FBXO11: variants seen among roughly 807,000 people sequenced by gnomAD.
FBXO11 encodes F-box only protein 11.
In FBXO11, 13 loss-of-function variants were observed where a neutral mutation model predicts 117.0. The observed-to-expected ratio is 0.11, with a 90% confidence interval of 0.07 to 0.18. FBXO11 has a LOEUF of 0.18. Among genes scored for constraint, FBXO11 ranks in the 10% least tolerant of loss-of-function variants. The pLI, the probability that FBXO11 is intolerant of heterozygous loss-of-function variation, is 1.00. For missense variants in FBXO11, 767 were observed against 1,164.4 expected (o/e 0.66, Z 4.97); for synonymous variants, 490 against 380.5 (o/e 1.29, Z -3.35).
At chr2:47,849,906 CCTTAT>C (rs1673728110) in intron 1 of FBXO11, among the ~76,000 whole-genome samples, 1 of 151,998 alleles carries the variant, frequency 6.6e-6, no homozygotes, top group Admixed American at 6.6e-5. Context: ...ATAATTTAGA[CCTTAT>C]CTTAAAAACA....
At chr2:47,884,666 C>A (rs1330260577) in intron 1 of FBXO11, among the ~76,000 whole-genome samples, 1 of 152,194 alleles carries the variant, frequency 6.6e-6, no homozygotes, top group Non-Finnish European at 1.5e-5. Context: ...ACTCACAGCA[C>A]CATCCTGATG....
chr2:47,835,452 T>C (rs1490839799), intron 5 of FBXO11, among the ~76,000 whole-genome samples: 2 of 152,206 alleles, frequency 1.3e-5, no homozygotes, highest in East Asian at 1.9e-4. Context: ...GTGAAAAGAA[T>C]TGCTGAATAT....
intron 1 of FBXO11, among the ~76,000 whole-genome samples, chr2:47,859,946 T>C (rs1446139275): frequency 2.6e-5 from 4 of 152,190 alleles, no homozygotes; most frequent in Non-Finnish European, 4.4e-5. Context: ...TCATGAAAAG[T>C]TCATAGATTT....
chr2:47,873,773 TA>T (rs1221293981), intron 1 of FBXO11, among the ~76,000 whole-genome samples: 2 of 152,352 alleles, frequency 1.3e-5, no homozygotes, highest in East Asian at 3.9e-4. Context: ...TTATGCCTTT[TA>T]AAAATTATGT....
chr2:47,823,111 A>T (rs1671509147), intron 12 of FBXO11, 32 bp downstream of exon 12: 6 of 1,496,524 alleles, frequency 4.0e-6, no homozygotes, highest in Non-Finnish European at 5.5e-6. Context: ...GAAGTGAAAA[A>T]GTAATTTTCA....
intron 19 of FBXO11, 134 bp downstream of exon 19, chr2:47,810,182 G>A (rs1349502422): frequency 1.7e-6 from 1 of 594,548 alleles, no homozygotes; most frequent in Non-Finnish European, 2.9e-6. Context: ...TCTTGTAAGT[G>A]AATGAACAGG....
chr2:47,820,489 T>A, intron 13 of FBXO11, 33 bp from the exon 14 acceptor site: 1 of 1,528,760 alleles, frequency 6.5e-7, no homozygotes, highest in Non-Finnish European at 9.0e-7. Context: ...AGGTCAACAT[T>A]TGTGAGCCTA....
intron 1 of FBXO11, among the ~76,000 whole-genome samples, chr2:47,898,603 C>T (rs531469159): frequency 1.3e-5 from 2 of 152,278 alleles, no homozygotes; most frequent in South Asian, 4.1e-4. Flanking sequence ...GAAAAACATG[C>T]TGGTCAATCA....
chr2:47,886,765 A>G (rs1344279242), intron 1 of FBXO11, among the ~76,000 whole-genome samples: 3 of 152,240 alleles, frequency 2.0e-5, no homozygotes, highest in Non-Finnish European at 4.4e-5. Context: ...AGGTTACAAA[A>G]TAATACACAC....
intron 20 of FBXO11, 165 bp downstream of exon 20, chr2:47,809,435 T>TA (rs1670460111): frequency 1.4e-6 from 1 of 690,932 alleles, no homozygotes; most frequent in Non-Finnish European, 2.4e-6. Flanking sequence ...TTTCCTTGTA[T>TA]AAGATACTCC....
At chr2:47,859,843 T>C (rs1179470864) in intron 1 of FBXO11, among the ~76,000 whole-genome samples, 2 of 152,194 alleles carry the variant, frequency 1.3e-5, no homozygotes, top group African/African-American at 4.8e-5. Context: ...GTCTATTTTT[T>C]TGTGCTAGGA....
chr2:47,814,221 G>A (rs1053678642), intron 16 of FBXO11: 63 of 205,806 alleles, frequency 3.1e-4, no homozygotes, highest in Admixed American at 4.8e-4. Flanking sequence ...AGCGAGTATT[G>A]CAATAAAGAG....
rs1339835839 is a variant in FBXO11, at chr2:47,807,915, A to AGAGT, written c.*202_*203insACTC. 7.6e-6 allele frequency: 4 copies of AGAGT among 527,712 alleles called. No individual in the cohort carries two copies. Among genetic ancestry groups the AGAGT allele is most frequent in the Non-Finnish European group, 1.3e-5 (4 of 296,780 alleles). The allele number at this position is 527,712 out of a possible 1,614,324, so 32.7% of individuals were successfully genotyped here. A position where few individuals can be genotyped will look rare whatever the true frequency, so the allele number is the denominator to read the frequency against. On this transcript the variant is annotated 3_prime_UTR_variant, in exon 23 of 23. Coordinates refer to ENST00000403359, the MANE Select transcript of FBXO11 (RefSeq NM_001190274.2). ...TTCAAGTCTTTACACAGTAATGCTA[A>AGAGT]AACACCCAGCTTTGAGATCCTGAGT...
chr2:47,854,275 C>T (rs1674101096), intron 1 of FBXO11, among the ~76,000 whole-genome samples: 1 of 149,904 alleles, frequency 6.7e-6, no homozygotes, highest in African/African-American at 2.5e-5. Flanking sequence ...TTTTTTAAAC[C>T]TACCTATCTC....
In FBXO11 at chr2:47,809,563, T is replaced by C. The variant is rs143212725; in HGVS notation, c.2446+37A>G. The C allele has an allele frequency of 1.1e-4, 149 of 1,393,132 alleles. 1 individual carries two copies. The African/African-American group carries it at 1.6e-3, about 15-fold the overall frequency. The allele number at this position is 1,393,132 out of a possible 1,614,324, so 86.3% of individuals were successfully genotyped here. A position where few individuals can be genotyped will look rare whatever the true frequency, so the allele number is the denominator to read the frequency against. On this transcript the variant is annotated intron_variant, in intron 20 of 22. Transcript: ENST00000403359. Reference sequence around the variant, plus strand: ...GCTTCTGATTATCTTTCATGGCATATTGCATATATTTATAGGTATAGCAGA... The same window carrying C: ...GCTTCTGATTATCTTTCATGGCATACTGCATATATTTATAGGTATAGCAGA...
chr2:47,841,067 G>A (rs772931090), intron 1 of FBXO11, among the ~76,000 whole-genome samples: 12 of 151,930 alleles, frequency 7.9e-5, no homozygotes, highest in Admixed American at 4.6e-4. Flanking sequence ...GTGTGGTAGC[G>A]GGCGCCCGTA....
chr2:47,813,944 G>T, intron 16 of FBXO11, 77 bp from the exon 17 acceptor site: 1 of 1,095,034 alleles, frequency 9.1e-7, no homozygotes, highest in Non-Finnish European at 1.4e-6. Context: ...GGTAAACAGT[G>T]GAGAAATCCA....
At chr2:47,872,825 A>G (rs980612409) in intron 1 of FBXO11, among the ~76,000 whole-genome samples, 2 of 152,142 alleles carry the variant, frequency 1.3e-5, no homozygotes, top group African/African-American at 4.8e-5. Flanking sequence ...TCCACTCTAA[A>G]TTTTTGTTTT....
chr2:47,860,357 C>T (rs977549649), intron 1 of FBXO11, among the ~76,000 whole-genome samples: 7 of 151,634 alleles, frequency 4.6e-5, no homozygotes, highest in African/African-American at 1.7e-4. Context: ...ATTTAAACAA[C>T]AATTATGAAT....
Sources: gnomAD v4.1 joint callset for allele counts (sites outside exome capture counted in the v4.1 genomes callset) on GRCh38, gnomAD v4.1.1 for gene constraint, MANE v1.5 for transcripts, NCBI Gene and HGNC (gene_info 2026-07-23, HGNC 2026-07-21) for gene names.